The following SLC6A3 variants were observed in gnomAD, a reference collection of about 807,000 sequenced individuals.
The protein encoded by SLC6A3 is solute carrier family 6 member 3.
SLC6A3 carries 19 observed loss-of-function variants against 70.4 expected under a neutral mutation model. That is an observed-to-expected ratio of 0.27 (90% CI 0.19 to 0.40). The LOEUF (loss-of-function observed/expected upper bound fraction) is 0.40. SLC6A3 is among the 10% of genes least tolerant of loss of function. SLC6A3 has a pLI of 1.00. For missense variants in SLC6A3, 613 were observed against 838.5 expected, an observed-to-expected ratio of 0.73 and a Z score of 3.32; for synonymous variants, 368 against 356.6, an observed-to-expected ratio of 1.03 and a Z score of -0.36.
At chr5:1,412,187 TTGGCCAATGTGC>T (rs1422958755) in intron 8 of SLC6A3, among the ~76,000 whole-genome samples, 1 of 152,262 alleles carries the variant, frequency 6.6e-6, no homozygotes, top group African/African-American at 2.4e-5. Context: ...GTGGCTGCAC[TTGGCCAATGTGC>T]TGTGAACCCA....
chr5:1,431,191 A>G (rs460934), intron 4 of SLC6A3, among the ~76,000 whole-genome samples: 47,124 of 151,960 alleles, frequency 0.31, 8,189 homozygotes, highest in East Asian at 0.51. Context: ...CGCCAGATCC[A>G]GATTCCGGGA....
chr5:1,400,481 C>T (rs28363154), intron 14 of SLC6A3, among the ~76,000 whole-genome samples: 2,900 of 152,294 alleles, frequency 0.019, 105 homozygotes, highest in African/African-American at 0.065. Context: ...GCTCCCAGGC[C>T]TCTCCCAGCC....
intron 5 of SLC6A3, 88 bp from the exon 6 acceptor site, chr5:1,420,791 C>T (rs917351311): frequency 1.8e-5 from 26 of 1,438,534 alleles, no homozygotes; most frequent in East Asian, 4.6e-5. Flanking sequence ...GTTGCCCTGA[C>T]GGCTTGTCCT....
intron 9 of SLC6A3, among the ~76,000 whole-genome samples, chr5:1,410,200 TGCGTCCCCCACACAAA>T (rs1756083290): frequency 6.6e-6 from 1 of 152,186 alleles, no homozygotes. Context: ...CTGAGCAAGA[TGCGTCCCCCACACAAA>T]GCTTTCAGCT....
chr5:1,434,927 C>T (rs462523), intron 3 of SLC6A3, among the ~76,000 whole-genome samples: 79,987 of 152,046 alleles, frequency 0.53, 21,746 homozygotes, highest in South Asian at 0.65. Flanking sequence ...GGGTAATCCC[C>T]CTTGGAAAGC....
chr5:1,416,422 T>C, intron 6 of SLC6A3: 6 of 607,058 alleles, frequency 9.9e-6, no homozygotes, highest in Non-Finnish European at 1.5e-5. Context: ...GGGGGCTGTC[T>C]GTGTTCATTG....
chr5:1,414,418 G>A lies in SLC6A3; in HGVS notation c.1156+273C>T, dbSNP rs1362556550. 3.9e-3 allele frequency among the ~76,000 whole-genome samples: 580 copies of A among 147,912 alleles called. 4 individuals carry two copies. Among genetic ancestry groups the A allele is most frequent in the African/African-American group, 0.014 (522 of 37,928 alleles). On this transcript the variant is annotated intron_variant, in intron 8 of 14. Transcript: ENST00000270349. ...CTGGGTGGGGGGGCCTGGAGGGGCAGGGCGGAGAAGGCACTGGGTGGGGGG... is the reference window on the plus strand; with the variant it reads ...CTGGGTGGGGGGGCCTGGAGGGGCAAGGCGGAGAAGGCACTGGGTGGGGGG...
At position 1,410,833 on chromosome 5, in the gene SLC6A3, T is replaced by C. The variant is rs28363099; in HGVS notation, c.1269+410A>G. ...GTGTGTGTGCATGCGTGTGTGCATG[T>C]GTGTGTTCGTGTGTGTTCATGTATG... On this transcript the variant is annotated intron_variant, in intron 9 of 14. Transcript: ENST00000270349. Among the ~76,000 whole-genome samples, 87 of 151,506 alleles carry C rather than the reference T, an allele frequency of 5.7e-4. No homozygotes were observed. The East Asian group carries it at 0.01, about 18-fold the overall frequency.
rs559629871 is a variant in SLC6A3 at position 1,408,150 on chromosome 5, C to T, written c.1498+876G>A. Among the ~76,000 whole-genome samples, 23 of 151,958 alleles carry T rather than the reference C, an allele frequency of 1.5e-4. No individual in the cohort carries two copies. The highest frequency in any genetic ancestry group is 2.0e-4 in the Admixed American group (3 of 15,272). On this transcript the variant is annotated intron_variant, in intron 11 of 14. Coordinates refer to ENST00000270349, the MANE Select transcript of SLC6A3 (RefSeq NM_001044.5). The surrounding 1 kb of genome is among the most constrained non-coding windows in gnomAD (Gnocchi z 6.4). ...TATACCATCAGTGTCTTCAGAAAATCTACAGCCTCCTGACTAGCTGGGATT... is the reference window on the plus strand; with the variant it reads ...TATACCATCAGTGTCTTCAGAAAATTTACAGCCTCCTGACTAGCTGGGATT...
chr5:1,418,601 A>G (rs540565374), intron 6 of SLC6A3, among the ~76,000 whole-genome samples: 9 of 151,486 alleles, frequency 5.9e-5, no homozygotes, highest in Non-Finnish European at 1.2e-4. Flanking sequence ...CCACCCATCC[A>G]TCATCCATCC....
chr5:1,408,202 A>G lies in SLC6A3; in HGVS notation c.1498+824T>C, dbSNP rs62331083. On this transcript the variant is annotated intron_variant, in intron 11 of 14. Coordinates refer to ENST00000270349, the MANE Select transcript of SLC6A3 (RefSeq NM_001044.5). This position sits in a 1 kb window ranked among gnomAD's most constrained non-coding sequence, Gnocchi z 6.4. ...TAGCCTTGTGCCACCACACCCGGCTAATTTTTTTTTTTTTTTTTTTTAGTA... is the reference window on the plus strand; with the variant it reads ...TAGCCTTGTGCCACCACACCCGGCTGATTTTTTTTTTTTTTTTTTTTAGTA... Among the ~76,000 whole-genome samples, 1 of 113,044 alleles carries G rather than the reference A, an allele frequency of 8.8e-6. No homozygotes were observed. The highest frequency in any genetic ancestry group is 1.9e-5 in the Non-Finnish European group (1 of 52,442). The allele number at this position is 113,044 out of a possible 152,430, so 74.2% of individuals were successfully genotyped here.
intron 3 of SLC6A3, among the ~76,000 whole-genome samples, chr5:1,435,899 G>C: frequency 6.7e-6 from 1 of 149,326 alleles, no homozygotes. Context: ...TGGGCACCTG[G>C]GTGAGGAAAC....
intron 3 of SLC6A3, among the ~76,000 whole-genome samples, chr5:1,435,059 C>G (rs965859358): frequency 6.6e-6 from 1 of 152,040 alleles, no homozygotes; most frequent in Admixed American, 6.6e-5. Flanking sequence ...CTTTGAAAAG[C>G]CTTCTCCCAT....
chr5:1,395,902 G>C (rs555145335), intron 14 of SLC6A3, among the ~76,000 whole-genome samples: 1 of 152,342 alleles, frequency 6.6e-6, no homozygotes, highest in South Asian at 2.1e-4. Flanking sequence ...CACAGATTAA[G>C]ATCAAGCCAT....
chr5:1,401,429 G>A lies in SLC6A3; in HGVS notation c.1768-443C>T, dbSNP rs1223683305. On this transcript the variant is annotated intron_variant, in intron 13 of 14. Transcript: ENST00000270349. The surrounding 1 kb of genome is among the most constrained non-coding windows in gnomAD (Gnocchi z 6.1). Reference sequence around the variant, plus strand: ...GCTTTTTGTCACCTGCAGCTCTTGGGAGAGTGAACGCTGAACGTGCCTTCC... The same window carrying A: ...GCTTTTTGTCACCTGCAGCTCTTGGAAGAGTGAACGCTGAACGTGCCTTCC... 1 of 386,718 alleles carries A rather than the reference G, an allele frequency of 2.6e-6. No individual in the cohort carries two copies. Among genetic ancestry groups the A allele is most frequent in the African/African-American group, 2.1e-5 (1 of 47,854 alleles). The allele number at this position is 386,718 out of a possible 1,614,324, so 24.0% of individuals were successfully genotyped here. A position where few individuals can be genotyped will look rare whatever the true frequency, so the allele number is the denominator to read the frequency against.
intron 9 of SLC6A3, 106 bp from the exon 10 acceptor site, chr5:1,409,955 C>T (rs1330412868): frequency 2.8e-5 from 40 of 1,446,660 alleles, no homozygotes; most frequent in East Asian, 4.6e-5. Flanking sequence ...GGGATGGACA[C>T]GGAACAGGGG....
rs1453900520 is a variant in SLC6A3 at position 1,393,595 on chromosome 5, TGCGTCCTGGGGTAGTAC to T, written c.*1123_*1139del. 442 of 153,936 alleles carry T rather than the reference TGCGTCCTGGGGTAGTAC, an allele frequency of 2.9e-3. 1 individual carries two copies. The highest frequency in any genetic ancestry group is 0.01 in the African/African-American group (422 of 41,386). The allele number at this position is 153,936 out of a possible 1,614,324, so 9.5% of individuals were successfully genotyped here. A position where few individuals can be genotyped will look rare whatever the true frequency, so the allele number is the denominator to read the frequency against. On this transcript the variant is annotated 3_prime_UTR_variant, in exon 15 of 15. Coordinates refer to ENST00000270349, the MANE Select transcript of SLC6A3 (RefSeq NM_001044.5). The stretch of plus-strand genomic sequence containing the variant: ...AGGCTGCCTGCATGGGGGCCCTGCA[TGCGTCCTGGGGTAGTAC>T]ACGCTCCTGTGGGGGCCCTGCATGC...
Position 1,436,991 on chromosome 5 carries a change from C to T in SLC6A3, c.419-4293G>A, listed in dbSNP as rs1756851331. On this transcript the variant is annotated intron_variant, in intron 3 of 14. Coordinates refer to ENST00000270349, the MANE Select transcript of SLC6A3 (RefSeq NM_001044.5). The surrounding 1 kb of genome is among the most constrained non-coding windows in gnomAD (Gnocchi z 5.2). Reference sequence around the variant, plus strand: ...AGAGGGCCGGGCACGGTGGCTCACTCCTGTAATCCCAGCACTTTGGGAGGC... The same window carrying T: ...AGAGGGCCGGGCACGGTGGCTCACTTCTGTAATCCCAGCACTTTGGGAGGC... Among the ~76,000 whole-genome samples the T allele has an allele frequency of 6.6e-6, 1 of 152,208 alleles. No homozygotes were observed. The highest frequency in any genetic ancestry group is 2.4e-5 in the African/African-American group (1 of 41,466).
rs1756832493 is a variant in SLC6A3, at chr5:1,436,209, TGTA to T, written c.419-3514_419-3512del. On this transcript the variant is annotated intron_variant, in intron 3 of 14. Coordinates refer to ENST00000270349, the MANE Select transcript of SLC6A3 (RefSeq NM_001044.5). The surrounding 1 kb of genome is among the most constrained non-coding windows in gnomAD (Gnocchi z 5.2). ...GAGCCCGTGACCTGGGCCACTGACG[TGTA>T]GCCCCTCACCAACCAGCCAACTTCA... Among the ~76,000 whole-genome samples the T allele has an allele frequency of 6.6e-6, 1 of 152,244 alleles. No individual in the cohort carries two copies. Among genetic ancestry groups the T allele is most frequent in the South Asian group, 2.1e-4 (1 of 4,836 alleles).
Sources: allele counts gnomAD v4.1 joint callset (sites outside exome capture counted in the v4.1 genomes callset), GRCh38; gene constraint gnomAD v4.1.1; non-coding constraint Gnocchi (gnomAD v3.1); transcripts MANE v1.5; gene names NCBI Gene and HGNC (gene_info 2026-07-23, HGNC 2026-07-21).